Variants in SNX9 observed in about 807,000 individuals in gnomAD.
SNX9 encodes the protein sorting nexin-9.
In SNX9, 44 loss-of-function variants were observed where a neutral mutation model predicts 89.4. The ratio of observed to expected loss-of-function variants is 0.49; its 90% confidence interval spans 0.39 to 0.63. SNX9 has a LOEUF of 0.63. Among genes scored for constraint, SNX9 ranks in the 30% least tolerant of loss-of-function variants. SNX9 has a pLI of 0.00. For missense variants in SNX9, 578 were observed against 736.1 expected, an observed-to-expected ratio of 0.79 and a Z score of 2.49; for synonymous variants, 236 against 247.8, an observed-to-expected ratio of 0.95 and a Z score of 0.45.
Position 157,844,587 on chromosome 6 carries a change from G to GTTTTTTTTTTTTTTTTT in SNX9, c.12+21153_12+21154insTTTTTTTTTTTTTTTTT, listed in dbSNP as rs1177648226. Among the ~76,000 whole-genome samples the GTTTTTTTTTTTTTTTTT allele has an allele frequency of 5.6e-4, 73 of 130,294 alleles. 3 individuals are homozygous for GTTTTTTTTTTTTTTTTT. Among genetic ancestry groups the GTTTTTTTTTTTTTTTTT allele is most frequent in the Non-Finnish European group, 7.6e-4 (47 of 61,884 alleles). 85.5% of individuals were successfully genotyped at this position (130,294 alleles called of 152,430 possible). ...ATTTTTAATCTTGTGGCTAATCCTTGTTTTTTTTTTTTGTTTTTTTTTTTG... is the reference window on the plus strand; with the variant it reads ...ATTTTTAATCTTGTGGCTAATCCTTGTTTTTTTTTTTTTTTTTTTTTTTTTTTTTGTTTTTTTTTTTG... On this transcript the variant is annotated intron_variant, in intron 1 of 17. Coordinates refer to ENST00000392185, the MANE Select transcript of SNX9 (RefSeq NM_016224.5).
chr6:157,884,011 A>C (rs1375470658), intron 4 of SNX9, among the ~76,000 whole-genome samples: 9 of 152,214 alleles, frequency 5.9e-5, no homozygotes, highest in Admixed American at 2.6e-4. Context: ...GGTACTTTAC[A>C]ATGTAAGGTA....
At chr6:157,832,057 A>C (rs1781488350) in intron 1 of SNX9, among the ~76,000 whole-genome samples, 1 of 152,230 alleles carries the variant, frequency 6.6e-6, no homozygotes, top group African/African-American at 2.4e-5. Context: ...TTTGACTATT[A>C]AAAGCACATG....
intron 4 of SNX9, among the ~76,000 whole-genome samples, chr6:157,880,188 G>C (rs1782596691): frequency 6.6e-6 from 1 of 152,220 alleles, no homozygotes; most frequent in African/African-American, 2.4e-5. Flanking sequence ...CACTGTGTAA[G>C]AATTGTGGCT....
At chr6:157,888,841 G>C (rs900361697) in intron 4 of SNX9, among the ~76,000 whole-genome samples, 1 of 152,170 alleles carries the variant, frequency 6.6e-6, no homozygotes, top group Non-Finnish European at 1.5e-5. Flanking sequence ...TTTACACCGT[G>C]GAGGCCTCTT....
At chr6:157,875,792 G>A (rs1023314081) in intron 4 of SNX9, among the ~76,000 whole-genome samples, 1 of 152,122 alleles carries the variant, frequency 6.6e-6, no homozygotes, top group African/African-American at 2.4e-5. Flanking sequence ...TTCATTTATT[G>A]CCAAATGATG....
At chr6:157,925,115 T>C (rs899187319) in intron 10 of SNX9, among the ~76,000 whole-genome samples, 32 of 152,192 alleles carry the variant, frequency 2.1e-4, no homozygotes, top group African/African-American at 7.5e-4. Flanking sequence ...TAGAAGATAC[T>C]TGCAACATAT....
chr6:157,896,697 T>C, intron 4 of SNX9, 130 bp from the exon 5 acceptor site: 1 of 1,022,448 alleles, frequency 9.8e-7, no homozygotes, highest in African/African-American at 1.6e-5. Flanking sequence ...TATGTAAAAT[T>C]GTTTTGAATA....
Position 157,861,435 on chromosome 6 carries a change from G to A in SNX9, c.13-6112G>A, listed in dbSNP as rs143549601. Among the ~76,000 whole-genome samples the A allele has an allele frequency of 9.5e-4, 145 of 152,324 alleles. 1 individual carries two copies. The highest frequency in any genetic ancestry group is 3.3e-3 in the African/African-American group (138 of 41,588). ...TGACACTGGTGAAACTGTAGAAAGC[G>A]TGCTCATCAGGCTTTCCGATGACTC... On this transcript the variant is annotated intron_variant, in intron 1 of 17. Coordinates refer to ENST00000392185, the MANE Select transcript of SNX9 (RefSeq NM_016224.5).
intron 1 of SNX9, among the ~76,000 whole-genome samples, chr6:157,851,938 G>A (rs997750056): frequency 1.3e-5 from 2 of 152,124 alleles, no homozygotes; most frequent in African/African-American, 4.8e-5. Context: ...ATGTTTTCAA[G>A]GTTCGTCTGT....
At chr6:157,900,519 C>T (rs1043937492) in intron 5 of SNX9, among the ~76,000 whole-genome samples, 1 of 151,892 alleles carries the variant, frequency 6.6e-6, no homozygotes. Flanking sequence ...AAGCTGGGTC[C>T]GGGGGGGTCA....
chr6:157,862,562 G>C (rs926998965), intron 1 of SNX9, among the ~76,000 whole-genome samples: 4 of 152,120 alleles, frequency 2.6e-5, no homozygotes, highest in African/African-American at 9.7e-5. Context: ...AAGATTTACT[G>C]CTTTTTTCCC....
intron 1 of SNX9, among the ~76,000 whole-genome samples, chr6:157,865,077 C>A (rs538156471): frequency 6.6e-6 from 1 of 152,062 alleles, no homozygotes; most frequent in Non-Finnish European, 1.5e-5. Context: ...TGGTGGCTCA[C>A]GCCTGTAATC....
intron 17 of SNX9, among the ~76,000 whole-genome samples, chr6:157,942,172 A>G (rs953822305): frequency 2.6e-5 from 4 of 152,234 alleles, no homozygotes; most frequent in African/African-American, 9.6e-5. Flanking sequence ...TTTTATGGCA[A>G]AGTAACCCTT....
chr6:157,865,056 G>A (rs1056807204), intron 1 of SNX9, among the ~76,000 whole-genome samples: 1 of 149,328 alleles, frequency 6.7e-6, no homozygotes, highest in Non-Finnish European at 1.5e-5. Context: ...AAAAACTACC[G>A]CAGCCAGGCA....
At chr6:157,890,570 G>A (rs1308547483) in intron 4 of SNX9, among the ~76,000 whole-genome samples, 1 of 152,188 alleles carries the variant, frequency 6.6e-6, no homozygotes, top group Non-Finnish European at 1.5e-5. Context: ...TCATCTACCT[G>A]TGGTGATTAC....
chr6:157,882,231 G>A (rs1259936034), intron 4 of SNX9, among the ~76,000 whole-genome samples: 4 of 152,222 alleles, frequency 2.6e-5, no homozygotes, highest in Admixed American at 6.5e-5. Context: ...CTGGATGACA[G>A]CACATCTGTT....
chr6:157,889,733 A>G (rs1396507370), intron 4 of SNX9, among the ~76,000 whole-genome samples: 1 of 152,242 alleles, frequency 6.6e-6, no homozygotes, highest in Non-Finnish European at 1.5e-5. Context: ...CTGGCTGTGC[A>G]GCTATTTGTA....
At chr6:157,913,208 A>G (rs920906508) in intron 9 of SNX9, among the ~76,000 whole-genome samples, 2 of 152,104 alleles carry the variant, frequency 1.3e-5, no homozygotes, top group Non-Finnish European at 2.9e-5. Flanking sequence ...CTTTAGTACA[A>G]TGATGGTGTC....
intron 1 of SNX9, among the ~76,000 whole-genome samples, chr6:157,854,073 G>A (rs940854523): frequency 6.6e-6 from 1 of 152,228 alleles, no homozygotes; most frequent in African/African-American, 2.4e-5. Flanking sequence ...GTGAGACCTT[G>A]TAAATACACA....
Sources: gnomAD v4.1 joint callset for allele counts (sites outside exome capture counted in the v4.1 genomes callset) on GRCh38, gnomAD v4.1.1 for gene constraint, MANE v1.5 for transcripts, NCBI Gene and HGNC (gene_info 2026-07-23, HGNC 2026-07-21) for gene names.